LTBP1: variants seen among roughly 807,000 people sequenced by gnomAD.
LTBP1 encodes the protein latent transforming growth factor beta binding protein 1.
LTBP1 carries 129 observed loss-of-function variants against 207.6 expected under a neutral mutation model. The observed-to-expected ratio is 0.62, with a 90% CI of 0.54 to 0.72. The LOEUF (loss-of-function observed/expected upper bound fraction) is 0.72. Ranked by LOEUF, LTBP1 falls within the 30% of genes least tolerant of loss-of-function variation. The pLI, the probability that LTBP1 is intolerant of heterozygous loss-of-function variation, is 0.00. For synonymous variants in LTBP1, 963 were observed against 833.7 expected (o/e 1.16, Z -2.67); for missense variants, 2,281 against 2,217.2 (o/e 1.03, Z -0.58).
intron 7 of LTBP1, among the ~76,000 whole-genome samples, chr2:33,197,892 C>G (rs1032216614): frequency 1.3e-5 from 2 of 152,150 alleles, no homozygotes; most frequent in African/African-American, 4.8e-5. Flanking sequence ...ACAAAAAATT[C>G]AAGTGCTTCA....
intron 2 of LTBP1, among the ~76,000 whole-genome samples, chr2:32,965,908 C>A (rs1679933189): frequency 6.6e-6 from 1 of 152,140 alleles, no homozygotes; most frequent in Non-Finnish European, 1.5e-5. Context: ...GAAACTGAAA[C>A]TGTCTTCCAC....
intron 5 of LTBP1, among the ~76,000 whole-genome samples, chr2:33,175,189 G>C (rs2085899156): frequency 6.6e-6 from 1 of 150,780 alleles, no homozygotes; most frequent in Admixed American, 6.6e-5. Flanking sequence ...CTTCTGCACA[G>C]CAAAAGAAAC....
intron 24 of LTBP1, among the ~76,000 whole-genome samples, chr2:33,329,283 T>A (rs943147512): frequency 2.0e-5 from 3 of 152,218 alleles, no homozygotes; most frequent in African/African-American, 7.2e-5. Flanking sequence ...TATCATACCT[T>A]TATTGGCCCT....
intron 5 of LTBP1, among the ~76,000 whole-genome samples, chr2:33,142,316 A>G (rs1033123700): frequency 2.0e-5 from 3 of 151,970 alleles, no homozygotes; most frequent in Admixed American, 6.5e-5. Flanking sequence ...CGGCCTCCCA[A>G]AGTGCTTGGA....
At chr2:32,950,150 C>G (rs1414871175) in intron 2 of LTBP1, among the ~76,000 whole-genome samples, 5 of 152,232 alleles carry the variant, frequency 3.3e-5, no homozygotes, top group Admixed American at 2.0e-4. Flanking sequence ...CCCCTCTCCC[C>G]TCAGTAACTC....
intron 4 of LTBP1, among the ~76,000 whole-genome samples, chr2:33,116,234 G>A (rs1316689494): frequency 3.9e-5 from 6 of 152,116 alleles, no homozygotes; most frequent in Admixed American, 1.3e-4. Flanking sequence ...TTTAATATTT[G>A]GAACGATTTA....
At chr2:33,188,221 G>A (rs2087418869) in intron 6 of LTBP1, among the ~76,000 whole-genome samples, 2 of 152,092 alleles carry the variant, frequency 1.3e-5, no homozygotes, top group African/African-American at 4.8e-5. Flanking sequence ...AAGAGTTCAA[G>A]ACCAGCCTGG....
In LTBP1 at chr2:33,300,584, A is replaced by G; in HGVS notation, c.3358+11A>G. 1 of 1,610,004 alleles carries G rather than the reference A, an allele frequency of 6.2e-7. No individual in the cohort carries two copies. Among genetic ancestry groups the G allele is most frequent in the Non-Finnish European group, 8.5e-7 (1 of 1,177,366 alleles). The stretch of plus-strand genomic sequence containing the variant: ...AAGACCAGTGTGAAGGTAAGAGGGT[A>G]GTAACATGAACTACTGAAACTTCAG... On this transcript the variant is annotated intron_variant, in intron 21 of 33. Transcript: ENST00000404816.
At chr2:32,962,373 T>G (rs1184679713) in intron 2 of LTBP1, among the ~76,000 whole-genome samples, 2 of 152,222 alleles carry the variant, frequency 1.3e-5, no homozygotes, top group Non-Finnish European at 2.9e-5. Flanking sequence ...AGTCCAAAAT[T>G]TCATAGTAAT....
chr2:32,972,840 T>C (rs893581742), intron 2 of LTBP1, among the ~76,000 whole-genome samples: 1 of 152,200 alleles, frequency 6.6e-6, no homozygotes, highest in African/African-American at 2.4e-5. Context: ...TCCTGAGGCC[T>C]ACCCAGTCAT....
intron 11 of LTBP1, among the ~76,000 whole-genome samples, chr2:33,254,852 G>GTTTTTTGT (rs2092794817): frequency 1.9e-4 from 2 of 10,362 alleles, no homozygotes; most frequent in Non-Finnish European, 2.9e-4. Context: ...GCGGTGTTTG[G>GTTTTTTGT]TTTTTTTTTT....
chr2:33,254,549 G>GTTTTTTTTTTTTTTTTTTTTTTTGTTT (rs531576154), intron 11 of LTBP1, among the ~76,000 whole-genome samples: 1 of 95,586 alleles, frequency 1.0e-5, no homozygotes, highest in Non-Finnish European at 2.0e-5. Context: ...TTTAAACTTG[G>GTTTTTTTTTTTTTTTTTTTTTTTGTTT]TTTTTTTTTT....
chr2:33,346,016 A>G (rs1394703136), intron 25 of LTBP1, among the ~76,000 whole-genome samples: 11 of 152,244 alleles, frequency 7.2e-5, no homozygotes, highest in Non-Finnish European at 1.5e-4. Context: ...AATGTTGAAT[A>G]AAGTGTACTT....
At chr2:32,989,105 C>T (rs1027069349) in intron 2 of LTBP1, among the ~76,000 whole-genome samples, 17 of 152,252 alleles carry the variant, frequency 1.1e-4, no homozygotes, top group African/African-American at 3.1e-4. Context: ...ATTGCTATAA[C>T]GGAGTCCCTT....
At chr2:33,284,895 G>A (rs1482322611) in intron 19 of LTBP1, among the ~76,000 whole-genome samples, 2 of 152,022 alleles carry the variant, frequency 1.3e-5, no homozygotes, top group African/African-American at 4.8e-5. Context: ...CACCTAGTAG[G>A]CATCTGACAT....
At position 33,257,442 on chromosome 2, in the gene LTBP1, G is replaced by C. The variant is rs1286148506; in HGVS notation, c.2326G>C (p.Ala776Pro). 2 of 1,614,202 alleles carry C rather than the reference G, an allele frequency of 1.2e-6. No individual in the cohort carries two copies. The highest frequency in any genetic ancestry group is 2.2e-5 in the South Asian group (2 of 91,082). ...AAGTACTCATCCTCCACCTCTCCCAGCCAAGGAAGAGCCAGTGGAGGCCCT... is the reference window on the plus strand; with the variant it reads ...AAGTACTCATCCTCCACCTCTCCCACCCAAGGAAGAGCCAGTGGAGGCCCT... ...AKSTHPPPLP[A>P]KEEPVEALTF... Residue 776 changes from alanine to proline, a missense_variant, in exon 12 of 34, where the codon GCC becomes CCC. Transcript: ENST00000404816.
At chr2:32,978,165 G>C (rs753300236) in intron 2 of LTBP1, among the ~76,000 whole-genome samples, 2 of 152,086 alleles carry the variant, frequency 1.3e-5, no homozygotes, top group Non-Finnish European at 2.9e-5. Context: ...CTGCAAACAA[G>C]GATAATTTGA....
At chr2:33,219,605 T>C (rs371096853) in intron 8 of LTBP1, among the ~76,000 whole-genome samples, 1 of 152,080 alleles carries the variant, frequency 6.6e-6, no homozygotes, top group Non-Finnish European at 1.5e-5. Context: ...TTGAGGAGGA[T>C]GATATATTTT....
chr2:33,052,755 C>T (rs2076807894), intron 3 of LTBP1, among the ~76,000 whole-genome samples: 1 of 152,174 alleles, frequency 6.6e-6, no homozygotes, highest in Non-Finnish European at 1.5e-5. Context: ...GTTGTAGTAC[C>T]TTAGCCTCAT....
Sources: allele counts gnomAD v4.1 joint callset (sites outside exome capture counted in the v4.1 genomes callset), GRCh38; gene constraint gnomAD v4.1.1; transcripts MANE v1.5; gene names NCBI Gene and HGNC (gene_info 2026-07-23, HGNC 2026-07-21).